The following CNTN4 variants were observed in gnomAD, a reference collection of about 807,000 sequenced individuals.
CNTN4 encodes the protein contactin-4.
Under a neutral mutation model 122.5 loss-of-function variants are expected in CNTN4, and 77 were observed. The ratio of observed to expected loss-of-function variants is 0.63; its 90% CI spans 0.52 to 0.76. CNTN4 has a LOEUF of 0.76. Among genes scored for constraint, CNTN4 ranks in the 30% least tolerant of loss-of-function variants. The pLI, the probability that CNTN4 is intolerant of heterozygous loss-of-function variation, is 0.00. For missense variants in CNTN4, 1,256 were observed against 1,259.1 expected (o/e 1.00, Z 0.04); for synonymous variants, 512 against 447.0 (o/e 1.15, Z -1.83).
At chr3:2,248,957 G>A (rs2040261590) in intron 2 of CNTN4, among the ~76,000 whole-genome samples, 1 of 151,840 alleles carries the variant, frequency 6.6e-6, no homozygotes, top group African/African-American at 2.4e-5. Flanking sequence ...CCCTCCAAAC[G>A]CATAAGGAGT....
At chr3:2,916,879 G>T (rs2094366556) in intron 12 of CNTN4, among the ~76,000 whole-genome samples, 1 of 150,996 alleles carries the variant, frequency 6.6e-6, no homozygotes, top group East Asian at 2.0e-4. Flanking sequence ...AGACGTCTAG[G>T]TGGCACTTCC....
At chr3:2,472,925 A>C (rs1481571740) in intron 3 of CNTN4, among the ~76,000 whole-genome samples, 1 of 152,126 alleles carries the variant, frequency 6.6e-6, no homozygotes, top group Non-Finnish European at 1.5e-5. Flanking sequence ...ATAAGTGATT[A>C]AATTGAATTG....
Position 2,488,270 on chromosome 3 carries a change from C to A in CNTN4, c.-88-83146C>A, listed in dbSNP as rs2076219856. The stretch of plus-strand genomic sequence containing the variant: ...CAAATAACATCCTTTTGCTCAATGT[C>A]ATTTCCTTATAAGTTTGAGGGGAAA... On this transcript the variant is annotated intron_variant, in intron 3 of 24. Coordinates refer to ENST00000418658, the MANE Select transcript of CNTN4 (RefSeq NM_175607.3). Among the ~76,000 whole-genome samples the A allele has an allele frequency of 3.9e-5, 6 of 152,180 alleles. No individual in the cohort carries two copies. In the South Asian group the frequency reaches 1.2e-3, roughly 32 times the overall value.
At chr3:2,514,930 G>T (rs2076997181) in intron 3 of CNTN4, among the ~76,000 whole-genome samples, 1 of 146,972 alleles carries the variant, frequency 6.8e-6, no homozygotes, top group Non-Finnish European at 1.5e-5. Context: ...TCCATCTTCT[G>T]CTACCCCCTC....
At chr3:2,359,041 C>G (rs1011545546) in intron 3 of CNTN4, among the ~76,000 whole-genome samples, 5 of 152,174 alleles carry the variant, frequency 3.3e-5, no homozygotes, top group Non-Finnish European at 7.4e-5. Flanking sequence ...ATATTTTAAT[C>G]ATTCTGAGCC....
chr3:2,865,173 G>C (rs761533451), intron 7 of CNTN4, among the ~76,000 whole-genome samples: 1 of 152,092 alleles, frequency 6.6e-6, no homozygotes, highest in Non-Finnish European at 1.5e-5. Flanking sequence ...ATGCACATGC[G>C]TAAATAAAAT....
At chr3:2,556,433 T>G (rs1331977791) in intron 3 of CNTN4, among the ~76,000 whole-genome samples, 1 of 152,220 alleles carries the variant, frequency 6.6e-6, no homozygotes, top group Non-Finnish European at 1.5e-5. Context: ...TGCAGCATAG[T>G]GTTGTGTTTA....
At chr3:2,684,718 G>C (rs892217283) in intron 4 of CNTN4, among the ~76,000 whole-genome samples, 13 of 152,110 alleles carry the variant, frequency 8.5e-5, no homozygotes, top group African/African-American at 3.1e-4. Flanking sequence ...ATTTTTCAAA[G>C]TACTTACATA....
In CNTN4 at chr3:2,852,141, A is replaced by G. The variant is rs1488667041; in HGVS notation, c.455-14611A>G. ...ATAATTTTTGCTACTTCTATTTGTT[A>G]GCATAATAAGCATGCTAACACTGTA... is the stretch of plus-strand genomic sequence containing the variant. On this transcript the variant is annotated intron_variant, in intron 7 of 24. Coordinates refer to ENST00000418658, the MANE Select transcript of CNTN4 (RefSeq NM_175607.3). Among the ~76,000 whole-genome samples, 3 of 152,286 alleles carry G rather than the reference A, an allele frequency of 2.0e-5. No individual in the cohort carries two copies. In the East Asian group the frequency reaches 5.8e-4, roughly 29 times the overall value.
intron 3 of CNTN4, among the ~76,000 whole-genome samples, chr3:2,389,542 G>A (rs1201172239): frequency 6.6e-6 from 1 of 152,028 alleles, no homozygotes; most frequent in African/African-American, 2.4e-5. Context: ...TTTATCACTT[G>A]TTTGTTCTTT....
chr3:2,395,981 A>G (rs1173242576), intron 3 of CNTN4, among the ~76,000 whole-genome samples: 1 of 151,928 alleles, frequency 6.6e-6, no homozygotes, highest in Non-Finnish European at 1.5e-5. Flanking sequence ...GCGCAAACAC[A>G]CAGGAACACC....
intron 2 of CNTN4, among the ~76,000 whole-genome samples, chr3:2,103,937 C>A (rs937584186): frequency 6.6e-6 from 1 of 151,960 alleles, no homozygotes; most frequent in African/African-American, 2.4e-5. Context: ...GTGTAGTGGT[C>A]AATAGTAAGC....
intron 6 of CNTN4, among the ~76,000 whole-genome samples, chr3:2,816,648 C>A (rs113883852): frequency 0.064 from 9,619 of 151,010 alleles, 997 homozygotes; most frequent in African/African-American, 0.22. Flanking sequence ...TGGTGAAACC[C>A]CGTCTCTACT....
rs544287959 is a variant in CNTN4 at position 2,818,359 on chromosome 3, C to G, written c.359-1127C>G. ...GAAACATTCCAATTTGTAACTGCAG[C>G]CTTCCCAATTGTTGTTAGGAGTACA... On this transcript the variant is annotated intron_variant, in intron 6 of 24. Coordinates refer to ENST00000418658, the MANE Select transcript of CNTN4 (RefSeq NM_175607.3). Among the ~76,000 whole-genome samples, 71 of 151,948 alleles carry G rather than the reference C, an allele frequency of 4.7e-4. No homozygotes were observed. The South Asian group carries it at 0.014, about 30-fold the overall frequency.
chr3:2,564,933 G>C (rs1392628751), intron 3 of CNTN4, among the ~76,000 whole-genome samples: 1 of 152,062 alleles, frequency 6.6e-6, no homozygotes, highest in Non-Finnish European at 1.5e-5. Context: ...TGATACATTA[G>C]CTACCTGGCT....
intron 3 of CNTN4, among the ~76,000 whole-genome samples, chr3:2,555,287 C>T (rs1167462803): frequency 2.0e-5 from 3 of 152,204 alleles, no homozygotes; most frequent in African/African-American, 7.2e-5. Flanking sequence ...TAGGTTCTAA[C>T]ACATTAGCTC....
intron 2 of CNTN4, among the ~76,000 whole-genome samples, chr3:2,223,001 T>A (rs2039122390): frequency 6.6e-6 from 1 of 152,222 alleles, no homozygotes; most frequent in African/African-American, 2.4e-5. Flanking sequence ...GGAAGTCACA[T>A]TGCTTGTGCT....
chr3:2,109,795 T>G (rs1340955277), intron 2 of CNTN4, among the ~76,000 whole-genome samples: 1 of 152,230 alleles, frequency 6.6e-6, no homozygotes, highest in Non-Finnish European at 1.5e-5. Flanking sequence ...CTCATTTGAT[T>G]AGCTATTAGC....
At chr3:2,669,127 C>T (rs1274463658) in intron 4 of CNTN4, among the ~76,000 whole-genome samples, 1 of 152,140 alleles carries the variant, frequency 6.6e-6, no homozygotes, top group Non-Finnish European at 1.5e-5. Flanking sequence ...GGGAGGATTC[C>T]CTCTTTTTCT....
Sources: allele counts gnomAD v4.1 joint callset (sites outside exome capture counted in the v4.1 genomes callset), GRCh38; gene constraint gnomAD v4.1.1; transcripts MANE v1.5; gene names NCBI Gene and HGNC (gene_info 2026-07-23, HGNC 2026-07-21).